STIP1: variants seen among roughly 807,000 people sequenced by gnomAD.
The protein encoded by STIP1 is stress induced phosphoprotein 1, also known as stress-induced-phosphoprotein 1.
In STIP1, 16 loss-of-function variants were observed where a neutral mutation model predicts 77.4. The observed-to-expected ratio is 0.21, with a 90% CI of 0.14 to 0.31. The LOEUF is 0.31. STIP1 is among the 10% of genes least tolerant of loss of function. The probability of loss-of-function intolerance (pLI) is 1.00; values close to 1 mark genes in which losing one functional copy is unlikely to be tolerated. For synonymous variants in STIP1, 258 were observed against 246.6 expected (o/e 1.05, Z -0.44); for missense variants, 524 against 684.8 (o/e 0.77, Z 2.62).
chr11:64,188,733 C>T (rs1411153877), intron 1 of STIP1, among the ~76,000 whole-genome samples: 1 of 152,130 alleles, frequency 6.6e-6, no homozygotes, highest in African/African-American at 2.4e-5. Context: ...AGTGTATGTA[C>T]AGGTAGGTAG....
intron 7 of STIP1, 93 bp from the exon 8 acceptor site, chr11:64,197,761 G>A: frequency 6.4e-6 from 10 of 1,568,108 alleles, no homozygotes; most frequent in Non-Finnish European, 8.7e-6. Flanking sequence ...TGAAGGCAGT[G>A]ATGCGGGCCT....
rs1028231435 is a variant in STIP1, at chr11:64,186,235, C to T, written c.-27C>T. ...GAACGCGGAGCGGACGGATTCGATT[C>T]AACGGGGTTCCGGACCGCGCTGCGC... On this transcript the variant is annotated 5_prime_UTR_variant, in exon 1 of 14. Coordinates refer to ENST00000305218, the MANE Select transcript of STIP1 (RefSeq NM_006819.3). 1.9e-6 allele frequency: 3 copies of T among 1,549,886 alleles called. No homozygotes were observed. The highest frequency in any genetic ancestry group is 3.9e-5 in the Admixed American group (2 of 50,902).
At chr11:64,192,037 G>C (rs942558420) in intron 1 of STIP1, among the ~76,000 whole-genome samples, 7 of 152,142 alleles carry the variant, frequency 4.6e-5, no homozygotes, top group African/African-American at 1.4e-4. Context: ...ATCCCACCGG[G>C]CGCGGTGGCT....
Position 64,197,918 on chromosome 11 carries a change from T to A in STIP1, c.967T>A (p.Tyr323Asn). The stretch of plus-strand genomic sequence containing the variant: ...AAAGTACAAGGATGCCATCCATTTC[T>A]ATAACAAGTCTCTGGCAGAGCACCG... ...EEKYKDAIHF[Y>N]NKSLAEHRTP... is the part of the protein sequence containing the mutation. Residue 323 changes from tyrosine to asparagine, a missense_variant, in exon 8 of 14, where the codon TAT (tyrosine) becomes AAT (asparagine). By Grantham distance (143) the Tyr-to-Asn change is moderately radical (BLOSUM62 -2). Transcript: ENST00000305218. 6.2e-7 allele frequency: 1 copy of A among 1,613,316 alleles called. No homozygotes were observed. The highest frequency in any genetic ancestry group is 8.5e-7 in the Non-Finnish European group (1 of 1,179,870).
chr11:64,199,377 G>A (rs1946188549), intron 8 of STIP1, among the ~76,000 whole-genome samples: 1 of 148,424 alleles, frequency 6.7e-6, no homozygotes, highest in African/African-American at 2.5e-5. Flanking sequence ...ATGGTGGTGG[G>A]CGCCTGCAGT....
chr11:64,199,694 G>A (rs1946194282), intron 8 of STIP1, among the ~76,000 whole-genome samples: 1 of 150,332 alleles, frequency 6.7e-6, no homozygotes, highest in Non-Finnish European at 1.5e-5. Context: ...CTCCCGAGTA[G>A]CTGGGACTAC....
Position 64,195,672 on chromosome 11 carries a change from C to G in STIP1, c.531C>G (p.Thr177=). Reference sequence around the variant, plus strand: ...AACTACAAGATCCCCGGATCATGACCACTCTCAGCGTCCTCCTTGGGGTCG... The same window carrying G: ...AACTACAAGATCCCCGGATCATGACGACTCTCAGCGTCCTCCTTGGGGTCG... ...GTKLQDPRIM[T]TLSVLLGVDL... is the part of the protein sequence containing the mutation. Residue 177 remains threonine, a synonymous_variant, in exon 5 of 14, where the codon ACC becomes ACG. Transcript: ENST00000305218. 1 of 1,612,826 alleles carries G rather than the reference C, an allele frequency of 6.2e-7. No homozygotes were observed. Among genetic ancestry groups the G allele is most frequent in the South Asian group, 1.1e-5 (1 of 90,746 alleles).
chr11:64,186,186 C>G lies in STIP1; in HGVS notation c.-76C>G. 1 of 1,550,624 alleles carries G rather than the reference C, an allele frequency of 6.4e-7. No individual in the cohort carries two copies. The stretch of plus-strand genomic sequence containing the variant: ...GGGTCCCGGTAGCTTCTAGTAGGTT[C>G]CAGAAGGCGGCGCGTGCGGTTGGGA... On this transcript the variant is annotated 5_prime_UTR_variant, in exon 1 of 14. Transcript: ENST00000305218.
chr11:64,194,152 G>T, intron 2 of STIP1, 37 bp from the exon 3 acceptor site: 5 of 1,586,584 alleles, frequency 3.2e-6, no homozygotes, highest in Non-Finnish European at 4.3e-6. Context: ...TTACCTCTGG[G>T]TGTTCTCTAT....
chr11:64,197,468 C>T (rs1946163479), intron 6 of STIP1, 25 bp from the exon 7 acceptor site: 1 of 1,613,956 alleles, frequency 6.2e-7, no homozygotes, highest in African/African-American at 1.3e-5. Context: ...ACTGACTGTT[C>T]CTTCTTAACC....
At chr11:64,194,087 C>T in intron 2 of STIP1, 102 bp from the exon 3 acceptor site, 2 of 1,480,630 alleles carry the variant, frequency 1.4e-6, no homozygotes, top group Non-Finnish European at 9.1e-7. Flanking sequence ...CATGTGAATA[C>T]TCATTTTTCC....
In STIP1 at chr11:64,194,348, TTTTC is replaced by T. The variant is rs763074863; in HGVS notation, c.361+25_361+28del. 14 of 1,612,314 alleles carry T rather than the reference TTTTC, an allele frequency of 8.7e-6. No homozygotes were observed. In the South Asian group the frequency reaches 8.8e-5, roughly 10 times the overall value. On this transcript the variant is annotated intron_variant, in intron 3 of 13. Coordinates refer to ENST00000305218, the MANE Select transcript of STIP1 (RefSeq NM_006819.3). The stretch of plus-strand genomic sequence containing the variant: ...GTTGGCAGGTAGGTACCACGCACAG[TTTTC>T]TTTCTTATTATTAATGTGATTAATT...
chr11:64,186,330 C>A, intron 1 of STIP1, 60 bp downstream of exon 1: 6 of 952,438 alleles, frequency 6.3e-6, no homozygotes, highest in Non-Finnish European at 8.3e-6. Flanking sequence ...GGTGGCCAGG[C>A]CGCGGTAGGG....
intron 1 of STIP1, among the ~76,000 whole-genome samples, chr11:64,188,734 A>G (rs1375786278): frequency 6.6e-6 from 1 of 152,202 alleles, no homozygotes; most frequent in Middle Eastern, 3.2e-3. Flanking sequence ...GTGTATGTAC[A>G]GGTAGGTAGA....
rs897008416 is a variant in STIP1 at position 64,203,861 on chromosome 11, T to C, written c.1560-193T>C. The C allele has an allele frequency of 5.0e-5, 39 of 776,222 alleles. No individual in the cohort carries two copies. The Admixed American group carries it at 1.0e-3, about 21-fold the overall frequency. The allele number at this position is 776,222 out of a possible 1,614,324, so 48.1% of individuals were successfully genotyped here. A position where few individuals can be genotyped will look rare whatever the true frequency, so the allele number is the denominator to read the frequency against. On this transcript the variant is annotated intron_variant, in intron 13 of 13. Coordinates refer to ENST00000305218, the MANE Select transcript of STIP1 (RefSeq NM_006819.3). ...GGAGAAAGGTCTTGACTGGAAGCTG[T>C]GTCGTGGGCTCAAGAGTAGGACTGG... is the stretch of plus-strand genomic sequence containing the variant.
chr11:64,197,828 AG>A, intron 7 of STIP1, 25 bp from the exon 8 acceptor site: 1 of 1,609,366 alleles, frequency 6.2e-7, no homozygotes, highest in Non-Finnish European at 8.5e-7. Context: ...TGTCCTAAGC[AG>A]TCCTTGTCCC....
At chr11:64,190,090 T>A (rs975691308) in intron 1 of STIP1, among the ~76,000 whole-genome samples, 1 of 151,612 alleles carries the variant, frequency 6.6e-6, no homozygotes, top group Non-Finnish European at 1.5e-5. Context: ...AGCCTCCGAC[T>A]CCCAGGTTCA....
At chr11:64,186,015 A>T, upstream of STIP1, 1 of 1,544,008 alleles carries the variant, frequency 6.5e-7, no homozygotes, top group Middle Eastern at 1.7e-4. Context: ...GGTGCGGGGG[A>T]GGCAGGGTTG....
At chr11:64,194,073 C>A in intron 2 of STIP1, 116 bp from the exon 3 acceptor site, 1 of 1,402,544 alleles carries the variant, frequency 7.1e-7, no homozygotes, top group Non-Finnish European at 9.7e-7. Context: ...TTCTCTTTGG[C>A]CTTCATGTGA....
Sources: gnomAD v4.1 joint callset for allele counts (sites outside exome capture counted in the v4.1 genomes callset) on GRCh38, gnomAD v4.1.1 for gene constraint, MANE v1.5 for transcripts, NCBI Gene and HGNC (gene_info 2026-07-23, HGNC 2026-07-21) for gene names.